GTF2H5: variants seen among roughly 807,000 people sequenced by gnomAD.
The protein encoded by GTF2H5 is TFB5 ortholog.
GTF2H5 carries 5 observed loss-of-function variants against 7.1 expected under a neutral mutation model. The observed-to-expected ratio is 0.71, with a 90% CI of 0.37 to 1.49. GTF2H5 has a LOEUF of 1.49. Ranked by LOEUF, GTF2H5 falls within the 40% of genes most tolerant of loss-of-function variation. The pLI, the probability that GTF2H5 is intolerant of heterozygous loss-of-function variation, is 0.03. For synonymous variants in GTF2H5, 30 were observed against 31.7 expected, an observed-to-expected ratio of 0.95 and a Z score of 0.18; for missense variants, 80 against 83.0, an observed-to-expected ratio of 0.96 and a Z score of 0.14.
chr6:158,175,923 C>G (rs907389266), intron 2 of GTF2H5, among the ~76,000 whole-genome samples: 1 of 152,170 alleles, frequency 6.6e-6, no homozygotes, highest in Non-Finnish European at 1.5e-5. Context: ...GGAAATGACA[C>G]TGTACAATGA....
rs981051720 is a variant in GTF2H5, at chr6:158,182,013, C to T, written c.36-9964C>T. 2.6e-5 allele frequency among the ~76,000 whole-genome samples: 4 copies of T among 152,190 alleles called. No homozygotes were observed. In the East Asian group the frequency reaches 5.8e-4, roughly 22 times the overall value. On this transcript the variant is annotated intron_variant, in intron 2 of 2. Coordinates refer to ENST00000607778, the MANE Select transcript of GTF2H5 (RefSeq NM_207118.3). ...GGCATGTTTTTGCAGTGGCTGGTAC[C>T]GGTTGTTCCTTTCCATGTTTAGTGT...
At chr6:158,177,227 A>G (rs1331898256) in intron 2 of GTF2H5, among the ~76,000 whole-genome samples, 1 of 152,232 alleles carries the variant, frequency 6.6e-6, no homozygotes, top group African/African-American at 2.4e-5. Context: ...TGCTCATTTG[A>G]GTACCTACTA....
rs1306247177 is a variant in GTF2H5 at position 158,193,981 on chromosome 6, T to G, written c.*1824T>G. ...TCCAGCCTGGGCGACAGAGGGAGAC[T>G]CCATCTCAAAAAAAAAAAAAAAAAA... is the stretch of plus-strand genomic sequence containing the variant. On this transcript the variant is annotated 3_prime_UTR_variant, in exon 3 of 3. Coordinates refer to ENST00000607778, the MANE Select transcript of GTF2H5 (RefSeq NM_207118.3). 9.4e-6 allele frequency: 1 copy of G among 106,914 alleles called. No individual in the cohort carries two copies. The highest frequency in any genetic ancestry group is 2.8e-4 in the East Asian group (1 of 3,608). 6.6% of individuals were successfully genotyped at this position (106,914 alleles called of 1,614,324 possible). A position where few individuals can be genotyped will look rare whatever the true frequency, so the allele number is the denominator to read the frequency against.
At position 158,195,718 on chromosome 6, in the gene GTF2H5, A is replaced by C. The variant is rs2128432835; in HGVS notation, c.*3561A>C. On this transcript the variant is annotated 3_prime_UTR_variant, in exon 3 of 3. Transcript: ENST00000607778. ...TGCAGTTATACAATAAATCTTACTT[A>C]GCTGACAACTAGGAGTAAAAGCTCT... 1 of 152,354 alleles carries C rather than the reference A, an allele frequency of 6.6e-6. No individual in the cohort carries two copies. 9.4% of individuals were successfully genotyped at this position (152,354 alleles called of 1,614,324 possible).
intron 2 of GTF2H5, among the ~76,000 whole-genome samples, chr6:158,182,326 C>A (rs186904579): frequency 0.014 from 2,102 of 152,314 alleles, 20 homozygotes; most frequent in Non-Finnish European, 0.023. Flanking sequence ...TTCATTTCAA[C>A]CTTGGTGAAT....
At chr6:158,168,503 G>T (rs1347235163) in intron 1 of GTF2H5, 108 bp downstream of exon 1, 2 of 152,380 alleles carry the variant, frequency 1.3e-5, no homozygotes, top group Non-Finnish European at 2.9e-5. Flanking sequence ...TGTCCACCGG[G>T]TGCTGGGGGC....
chr6:158,176,547 A>T (rs1410093156), intron 2 of GTF2H5, among the ~76,000 whole-genome samples: 1 of 152,164 alleles, frequency 6.6e-6, no homozygotes, highest in African/African-American at 2.4e-5. Context: ...TTAAAAGGAT[A>T]TACGTATGTC....
chr6:158,184,494 T>C (rs1294679090), intron 2 of GTF2H5, among the ~76,000 whole-genome samples: 1 of 152,192 alleles, frequency 6.6e-6, no homozygotes, highest in Non-Finnish European at 1.5e-5. Context: ...GTTAACTTAA[T>C]GTCTCCTATG....
intron 1 of GTF2H5, among the ~76,000 whole-genome samples, 184 bp downstream of exon 1, chr6:158,168,579 G>T (rs1469256500): frequency 1.3e-5 from 2 of 152,206 alleles, no homozygotes; most frequent in African/African-American, 4.8e-5. Context: ...TCCCCCCCTC[G>T]TTTAATCGTG....
rs1777044732 is a variant in GTF2H5 at position 158,192,564 on chromosome 6, G to C, written c.*407G>C. On this transcript the variant is annotated 3_prime_UTR_variant, in exon 3 of 3. Coordinates refer to ENST00000607778, the MANE Select transcript of GTF2H5 (RefSeq NM_207118.3). ...TTTGCTGTTTGAATATGCCAAGGTG[G>C]GGACTTAGACATTATGTACGTCTCA... The C allele has an allele frequency of 4.0e-6, 1 of 251,670 alleles. No individual in the cohort carries two copies. The allele number at this position is 251,670 out of a possible 1,614,324, so 15.6% of individuals were successfully genotyped here.
rs1240992958 is a variant in GTF2H5, at chr6:158,169,633, T to C, written c.-34-837T>C. Among the ~76,000 whole-genome samples, 18 of 85,970 alleles carry C rather than the reference T, an allele frequency of 2.1e-4. 1 individual carries two copies. The highest frequency in any genetic ancestry group is 3.2e-4 in the Non-Finnish European group (17 of 53,010). The allele number at this position is 85,970 out of a possible 152,430, so 56.4% of individuals were successfully genotyped here. ...TGTATATTACATATAATATATTGTA[T>C]ATTACATATATTGTATATTACATAT... On this transcript the variant is annotated intron_variant, in intron 1 of 2. Transcript: ENST00000607778.
At position 158,169,483 on chromosome 6, in the gene GTF2H5, ATATAT is replaced by A. The variant is rs1404540596; in HGVS notation, c.-34-985_-34-981del. Among the ~76,000 whole-genome samples, 100 of 57,926 alleles carry A rather than the reference ATATAT, an allele frequency of 1.7e-3. 4 individuals carry two copies. The highest frequency in any genetic ancestry group is 5.1e-3 in the Admixed American group (14 of 2,742). 38.0% of individuals were successfully genotyped at this position (57,926 alleles called of 152,430 possible). A position where few individuals can be genotyped will look rare whatever the true frequency, so the allele number is the denominator to read the frequency against. On this transcript the variant is annotated intron_variant, in intron 1 of 2. Transcript: ENST00000607778. ...TATATTATATTGTATATTATATATAATATATTGTATATTATATAATATATTGTATA... is the reference window on the plus strand; with the variant it reads ...TATATTATATTGTATATTATATATAATGTATATTATATAATATATTGTATA...
At chr6:158,191,337 T>G (rs1777022537) in intron 2 of GTF2H5, among the ~76,000 whole-genome samples, 1 of 152,204 alleles carries the variant, frequency 6.6e-6, no homozygotes, top group Non-Finnish European at 1.5e-5. Flanking sequence ...AGGAAGAAAT[T>G]CAGTGTTTAA....
intron 2 of GTF2H5, among the ~76,000 whole-genome samples, chr6:158,181,970 C>T (rs953402543): frequency 6.6e-5 from 10 of 152,142 alleles, no homozygotes; most frequent in Non-Finnish European, 5.9e-5. Context: ...TTCCTAGCAT[C>T]GATGGTCTTT....
rs1055797947 is a variant in GTF2H5 at position 158,197,360 on chromosome 6, A to G, written c.*5203A>G. On this transcript the variant is annotated 3_prime_UTR_variant, in exon 3 of 3. Transcript: ENST00000607778. ...AGTTGTCTGAGTCGTTATGCTCAAA[A>G]TATCCAATAATATTTCTTTTGCTGA... The G allele has an allele frequency of 1.8e-5, 3 of 167,908 alleles. No homozygotes were observed. Among genetic ancestry groups the G allele is most frequent in the Non-Finnish European group, 4.0e-5 (3 of 74,174 alleles). 10.4% of individuals were successfully genotyped at this position (167,908 alleles called of 1,614,324 possible).
chr6:158,190,546 G>A (rs774045366), intron 2 of GTF2H5: 14 of 363,408 alleles, frequency 3.9e-5, no homozygotes, highest in Non-Finnish European at 7.5e-5. Context: ...ATTTAAGTCA[G>A]TTTGTAAGTT....
intron 2 of GTF2H5, among the ~76,000 whole-genome samples, chr6:158,172,420 G>A (rs796313345): frequency 5.1e-4 from 77 of 151,710 alleles, no homozygotes; most frequent in African/African-American, 1.6e-3. Context: ...TCAGCTGCCC[G>A]AGTAGCTGGG....
rs949191848 is a variant in GTF2H5 at position 158,199,173 on chromosome 6, T to C, written c.*7016T>C. 6.6e-6 allele frequency: 1 copy of C among 151,892 alleles called. No homozygotes were observed. The highest frequency in any genetic ancestry group is 1.5e-5 in the Non-Finnish European group (1 of 68,042). The allele number at this position is 151,892 out of a possible 1,614,324, so 9.4% of individuals were successfully genotyped here. On this transcript the variant is annotated 3_prime_UTR_variant, in exon 3 of 3. Transcript: ENST00000607778. ...CCCAACATGATTTAATCTTGGCTAC[T>C]GAGCTTTTGGTTACGTTGCACTCCC...
intron 2 of GTF2H5, among the ~76,000 whole-genome samples, chr6:158,190,262 C>G (rs1054040359): frequency 6.6e-6 from 1 of 152,158 alleles, no homozygotes; most frequent in African/African-American, 2.4e-5. Context: ...CAGTAAAAAT[C>G]TCCTCCAGTC....
Sources: allele counts gnomAD v4.1 joint callset (sites outside exome capture counted in the v4.1 genomes callset), GRCh38; gene constraint gnomAD v4.1.1; transcripts MANE v1.5; gene names NCBI Gene and HGNC (gene_info 2026-07-23, HGNC 2026-07-21).